FRA10AC1: variants seen among roughly 807,000 people sequenced by gnomAD.
FRA10AC1 encodes FRA10A associated CGG repeat 1, also known as protein FRA10AC1.
FRA10AC1 carries 43 observed loss-of-function variants against 56.5 expected under a neutral mutation model. The observed-to-expected ratio is 0.76, with a 90% confidence interval of 0.60 to 0.98. The LOEUF (loss-of-function observed/expected upper bound fraction) is 0.98. FRA10AC1 is among the 50% of genes least tolerant of loss of function. The probability of loss-of-function intolerance (pLI) is 0.00; values close to 1 mark genes in which losing one functional copy is unlikely to be tolerated. For missense variants in FRA10AC1, 346 were observed against 351.8 expected, an observed-to-expected ratio of 0.98 and a Z score of 0.13; for synonymous variants, 112 against 110.5, an observed-to-expected ratio of 1.01 and a Z score of -0.09.
chr10:93,701,845 T>A (rs919955435), intron 1 of FRA10AC1, among the ~76,000 whole-genome samples: 1 of 152,086 alleles, frequency 6.6e-6, no homozygotes, highest in Non-Finnish European at 1.5e-5. Context: ...TAGATTTCAC[T>A]GCTTGGCTCT....
At position 93,698,146 on chromosome 10, in the gene FRA10AC1, G is replaced by T. The variant is rs1178863615; in HGVS notation, c.209C>A (p.Ala70Asp). 6.4e-7 allele frequency: 1 copy of T among 1,568,072 alleles called. No individual in the cohort carries two copies. The highest frequency in any genetic ancestry group is 1.2e-5 in the South Asian group (1 of 83,474). ...ATAAAAAAAGGATACAGCATCCATA[G>T]CTATGAGATGAAACCTTCTATTTCT... ...EARNRRFHLI[A>D]MDAYQRHTKF... Residue 70 changes from alanine to aspartate, a missense_variant, in exon 4 of 14, where the codon GCT becomes GAT. Physicochemically the swap from Ala to Asp is moderately radical, Grantham distance 126. Transcript: ENST00000359204.
At chr10:93,698,909 C>T (rs2059281331) in intron 2 of FRA10AC1, among the ~76,000 whole-genome samples, 1 of 152,178 alleles carries the variant, frequency 6.6e-6, no homozygotes, top group Non-Finnish European at 1.5e-5. Context: ...CATTAAGACA[C>T]TTTTTCACAT....
At position 93,681,615 on chromosome 10, in the gene FRA10AC1, A is replaced by G. The variant is rs774721843; in HGVS notation, c.669-17T>C. 1.4e-6 allele frequency: 2 copies of G among 1,473,942 alleles called. No homozygotes were observed. The highest frequency in any genetic ancestry group is 1.4e-5 in the South Asian group (1 of 73,022). 91.3% of individuals were successfully genotyped at this position (1,473,942 alleles called of 1,614,324 possible). On this transcript the variant is annotated splice_polypyrimidine_tract_variant and intron_variant, in intron 10 of 13. Coordinates refer to ENST00000359204, the MANE Select transcript of FRA10AC1 (RefSeq NM_145246.5). ...TCTTTTCTCCTTTGTGTTAAACAAT[A>G]TAAAATTAAAGTTAACTTTTCCAAC... is the stretch of plus-strand genomic sequence containing the variant.
At chr10:93,701,220 A>C (rs1340007903) in intron 1 of FRA10AC1, among the ~76,000 whole-genome samples, 1 of 152,210 alleles carries the variant, frequency 6.6e-6, no homozygotes, top group South Asian at 2.1e-4. Flanking sequence ...ACACACACTA[A>C]GAAGGAAGGA....
intron 13 of FRA10AC1, among the ~76,000 whole-genome samples, chr10:93,670,287 T>G (rs1243545788): frequency 2.0e-5 from 3 of 152,168 alleles, no homozygotes. Flanking sequence ...GGGGAATAAC[T>G]AAGGGGAATT....
At chr10:93,687,926 TCACAGAGGTTTAAA>T (rs1433165041) in intron 7 of FRA10AC1, 1 of 151,928 alleles carries the variant, frequency 6.6e-6, no homozygotes, top group Admixed American at 6.6e-5. Context: ...TCCTTGGTAC[TCACAGAGGTTTAAA>T]GAGGTTTAAA....
chr10:93,675,659 C>A, intron 12 of FRA10AC1: 1 of 370,722 alleles, frequency 2.7e-6, no homozygotes, highest in Non-Finnish European at 5.7e-6. Flanking sequence ...CAGCTGAGAT[C>A]GCGCCACTGC....
intron 5 of FRA10AC1, among the ~76,000 whole-genome samples, chr10:93,693,382 C>T (rs184277114): frequency 5.7e-4 from 85 of 148,816 alleles, no homozygotes; most frequent in Admixed American, 1.2e-3. Context: ...AGTTCTAAGA[C>T]ACACACACAC....
rs1233131435 is a variant in FRA10AC1, at chr10:93,668,527, C to CTATTAGTCCA, written c.*1289_*1298dup. 1 of 152,604 alleles carries CTATTAGTCCA rather than the reference C, an allele frequency of 6.6e-6. No individual in the cohort carries two copies. Among genetic ancestry groups the CTATTAGTCCA allele is most frequent in the African/African-American group, 2.4e-5 (1 of 41,430 alleles). The allele number at this position is 152,604 out of a possible 1,614,324, so 9.5% of individuals were successfully genotyped here. On this transcript the variant is annotated 3_prime_UTR_variant, in exon 14 of 14. Transcript: ENST00000359204. ...CATTTTATATTTCTGCATAGAAGTT[C>CTATTAGTCCA]TATTAGTCCATTTTCACACTGCTGA...
chr10:93,671,443 T>C (rs946605624), intron 12 of FRA10AC1: 2 of 153,096 alleles, frequency 1.3e-5, no homozygotes, highest in African/African-American at 4.8e-5. Context: ...TCTGGCAATA[T>C]AGATCAGTTT....
In FRA10AC1 at chr10:93,684,101, AAAAAG is replaced by A; in HGVS notation, c.626-8_626-4del. The A allele has an allele frequency of 6.2e-7, 1 of 1,605,170 alleles. No individual in the cohort carries two copies. On this transcript the variant is annotated splice_region_variant and splice_polypyrimidine_tract_variant and intron_variant, in intron 9 of 13. Coordinates refer to ENST00000359204, the MANE Select transcript of FRA10AC1 (RefSeq NM_145246.5). ...AATGGAACATTCTTGGCATAACCCT[AAAAAG>A]AAAAGACACCACTGAATGGCTGATT...
chr10:93,670,828 T>C lies in FRA10AC1; in HGVS notation c.847A>G (p.Ser283Gly), dbSNP rs34803976. The C allele has an allele frequency of 2.5e-6, 4 of 1,611,448 alleles. No individual in the cohort carries two copies. The highest frequency in any genetic ancestry group is 3.4e-6 in the Non-Finnish European group (4 of 1,178,042). The change falls in exon 13 of 14, where the codon AGT becomes GGT. Residue 283 changes from serine (S) to glycine (G), a missense_variant. Physicochemically the swap from Ser to Gly is moderately conservative, Grantham distance 56. Transcript: ENST00000359204. ...SLLRNSDEEE[S>G]ASESELWKGP... is the part of the protein sequence containing the mutation. Reference sequence around the variant, plus strand: ...TTCCAAAGTTCAGATTCTGAAGCACTTTCTTCCTCATCAGAGTTTCCTGTT... The same window carrying C: ...TTCCAAAGTTCAGATTCTGAAGCACCTTCTTCCTCATCAGAGTTTCCTGTT...
intron 8 of FRA10AC1, among the ~76,000 whole-genome samples, chr10:93,685,743 A>C (rs1272950532): frequency 1.3e-5 from 2 of 151,882 alleles, no homozygotes; most frequent in Non-Finnish European, 2.9e-5. Context: ...CCCCCAAAAA[A>C]AAACGCACTT....
At chr10:93,678,221 G>A (rs1192121722) in intron 11 of FRA10AC1, among the ~76,000 whole-genome samples, 1 of 152,186 alleles carries the variant, frequency 6.6e-6, no homozygotes, top group Non-Finnish European at 1.5e-5. Context: ...GGAAAGGGGT[G>A]ATGGTGAGAC....
Position 93,684,561 on chromosome 10 carries a change from C to T in FRA10AC1, c.626-463G>A, listed in dbSNP as rs376193882. Among the ~76,000 whole-genome samples the T allele has an allele frequency of 6.0e-5, 9 of 148,772 alleles. No homozygotes were observed. The East Asian group carries it at 1.2e-3, about 20-fold the overall frequency. Reference sequence around the variant, plus strand: ...GGCTGACTTTTCCTCTTGAGCACTTCCAGAAGGAACTCAGAAATCAGTCTG... The same window carrying T: ...GGCTGACTTTTCCTCTTGAGCACTTTCAGAAGGAACTCAGAAATCAGTCTG... On this transcript the variant is annotated intron_variant, in intron 9 of 13. Transcript: ENST00000359204.
chr10:93,697,485 T>A (rs1589729526), intron 4 of FRA10AC1, among the ~76,000 whole-genome samples: 1 of 152,288 alleles, frequency 6.6e-6, no homozygotes, highest in Middle Eastern at 3.4e-3. Flanking sequence ...AATACTTCAG[T>A]TTTTGCTTGG....
intron 11 of FRA10AC1, among the ~76,000 whole-genome samples, chr10:93,679,978 G>C (rs1277482100): frequency 3.3e-5 from 5 of 152,128 alleles, no homozygotes. Context: ...GTCAACATAG[G>C]TGTCATCTAC....
At chr10:93,694,713 TAAAAAAAAAAAAAAAAAAAAA>T in intron 5 of FRA10AC1, 127 bp downstream of exon 5, 3 of 238,112 alleles carry the variant, frequency 1.3e-5, no homozygotes, top group African/African-American at 6.2e-5. Context: ...GACTCCATCT[TAAAAAAAAAAAAAAAAAAAAA>T]AAAAAAAAAA....
At chr10:93,681,144 T>A (rs1429247630) in intron 11 of FRA10AC1, among the ~76,000 whole-genome samples, 1 of 152,136 alleles carries the variant, frequency 6.6e-6, no homozygotes, top group Non-Finnish European at 1.5e-5. Context: ...AGGCCAGGTA[T>A]GCACCTCACC....
Sources: gnomAD v4.1 joint callset for allele counts (sites outside exome capture counted in the v4.1 genomes callset) on GRCh38, gnomAD v4.1.1 for gene constraint, MANE v1.5 for transcripts, NCBI Gene and HGNC (gene_info 2026-07-23, HGNC 2026-07-21) for gene names.